UBASH3B: variants seen among roughly 807,000 people sequenced by gnomAD.
UBASH3B encodes ubiquitin-associated and SH3 domain-containing protein B.
Under a neutral mutation model 83.4 loss-of-function variants are expected in UBASH3B, and 37 were observed. That is an observed-to-expected ratio of 0.44 (90% CI 0.34 to 0.58). The LOEUF (loss-of-function observed/expected upper bound fraction) is 0.58. Among genes scored for constraint, UBASH3B ranks in the 20% least tolerant of loss-of-function variants. The pLI is 0.01. For synonymous variants in UBASH3B, 304 were observed against 318.3 expected (o/e 0.96, Z 0.48); for missense variants, 657 against 827.2 (o/e 0.79, Z 2.52).
At chr11:122,693,157 C>T (rs189613250) in intron 1 of UBASH3B, among the ~76,000 whole-genome samples, 9 of 152,190 alleles carry the variant, frequency 5.9e-5, no homozygotes, top group East Asian at 1.9e-4. Context: ...CTACAAAGAA[C>T]CTTCTTAAGG....
chr11:122,769,907 G>A (rs1591805664), intron 1 of UBASH3B, among the ~76,000 whole-genome samples: 1 of 152,170 alleles, frequency 6.6e-6, no homozygotes, highest in African/African-American at 2.4e-5. Flanking sequence ...AAACTGTTAG[G>A]TGTGGAAAAT....
At chr11:122,688,449 T>TC (rs1863836278) in intron 1 of UBASH3B, among the ~76,000 whole-genome samples, 1 of 59,956 alleles carries the variant, frequency 1.7e-5, no homozygotes, top group African/African-American at 7.0e-5. Flanking sequence ...TTGTGGTTTG[T>TC]TTGTTTTTTT....
chr11:122,772,965 G>C (rs1156936262), intron 1 of UBASH3B, among the ~76,000 whole-genome samples: 1 of 152,232 alleles, frequency 6.6e-6, no homozygotes, highest in Admixed American at 6.5e-5. Flanking sequence ...CATTTCACCA[G>C]TTCTAAACAA....
chr11:122,781,097 G>A (rs1041933962), intron 4 of UBASH3B, among the ~76,000 whole-genome samples: 10 of 152,062 alleles, frequency 6.6e-5, no homozygotes, highest in African/African-American at 1.2e-4. Context: ...GGATCACAGT[G>A]CTCTCGGAAG....
chr11:122,781,546 T>C (rs889187715), intron 4 of UBASH3B, among the ~76,000 whole-genome samples: 1 of 152,228 alleles, frequency 6.6e-6, no homozygotes, highest in African/African-American at 2.4e-5. Context: ...TCCAAGATCC[T>C]GCTGTCATGA....
chr11:122,772,275 T>G (rs1208986984), intron 1 of UBASH3B, among the ~76,000 whole-genome samples: 1 of 152,176 alleles, frequency 6.6e-6, no homozygotes, highest in Admixed American at 6.5e-5. Flanking sequence ...CATATTGCAT[T>G]GTAAGAAGCT....
intron 1 of UBASH3B, chr11:122,727,433 T>A (rs1433231931): frequency 2.6e-5 from 4 of 152,154 alleles, no homozygotes; most frequent in Admixed American, 2.0e-4. Context: ...AAGTTGTCTA[T>A]CAATTGAGGG....
In UBASH3B at chr11:122,777,216, C is replaced by T. The variant is rs370781791; in HGVS notation, c.402+6C>T. On this transcript the variant is annotated splice_donor_region_variant and intron_variant, in intron 3 of 13. Transcript: ENST00000284273. ...CACTCTGCCAGTTCTTTATGGTGAG[C>T]GGCAGCGCCCCCACCCCTGGGAAGC... The T allele has an allele frequency of 1.7e-4, 280 of 1,604,818 alleles. 2 individuals carry two copies. In the Middle Eastern group the frequency reaches 2.2e-3, roughly 12 times the overall value.
At chr11:122,702,207 A>G (rs763186076) in intron 1 of UBASH3B, among the ~76,000 whole-genome samples, 5 of 152,182 alleles carry the variant, frequency 3.3e-5, no homozygotes, top group African/African-American at 7.2e-5. Context: ...GTTCCTAGGA[A>G]AACCGAATTA....
At chr11:122,705,464 A>G (rs961542756) in intron 1 of UBASH3B, among the ~76,000 whole-genome samples, 35 of 151,938 alleles carry the variant, frequency 2.3e-4, no homozygotes, top group African/African-American at 6.8e-4. Context: ...TAAAAAAAAA[A>G]AAAAAAAGAA....
At chr11:122,681,993 GCTGTCAGAACAAGATGGGCCCATCTC>G (rs1359256324) in intron 1 of UBASH3B, among the ~76,000 whole-genome samples, 1 of 152,110 alleles carries the variant, frequency 6.6e-6, no homozygotes, top group Non-Finnish European at 1.5e-5. Context: ...GGGTGGCCCA[GCTGTCAGAACAAGATGGGCCCATCTC>G]CTGTCTGTTC....
At chr11:122,745,380 A>G (rs11825423) in intron 1 of UBASH3B, among the ~76,000 whole-genome samples, 5,491 of 152,256 alleles carry the variant, frequency 0.036, 316 homozygotes, top group African/African-American at 0.12. Flanking sequence ...TGGGGTGCTT[A>G]CCATGTGGCA....
rs1861206801 is a variant in UBASH3B, at chr11:122,799,170, A to G, written c.1450+136A>G. On this transcript the variant is annotated intron_variant, in intron 10 of 13. Coordinates refer to ENST00000284273, the MANE Select transcript of UBASH3B (RefSeq NM_032873.5). ...TCTGGAATGAAGCAAGGATTCTTTCAGAAGGCGATCTTTGCACAAGTCACA... is the reference window on the plus strand; with the variant it reads ...TCTGGAATGAAGCAAGGATTCTTTCGGAAGGCGATCTTTGCACAAGTCACA... 5.0e-5 allele frequency: 38 copies of G among 761,812 alleles called. No homozygotes were observed. The South Asian group carries it at 6.3e-4, about 13-fold the overall frequency. The allele number at this position is 761,812 out of a possible 1,614,324, so 47.2% of individuals were successfully genotyped here. A position where few individuals can be genotyped will look rare whatever the true frequency, so the allele number is the denominator to read the frequency against.
chr11:122,659,665 T>C (rs765492963), intron 1 of UBASH3B, among the ~76,000 whole-genome samples: 2 of 152,144 alleles, frequency 1.3e-5, no homozygotes, highest in Admixed American at 6.5e-5. Flanking sequence ...ATAATGAAAA[T>C]CCAAAGCCCC....
intron 1 of UBASH3B, among the ~76,000 whole-genome samples, chr11:122,770,292 G>A (rs1224710350): frequency 3.3e-5 from 5 of 152,110 alleles, no homozygotes; most frequent in East Asian, 1.9e-4. Flanking sequence ...TTTTCATTCC[G>A]TTATCCTACA....
At chr11:122,778,513 C>G (rs1410242029) in intron 3 of UBASH3B, among the ~76,000 whole-genome samples, 1 of 149,576 alleles carries the variant, frequency 6.7e-6, no homozygotes, top group African/African-American at 2.5e-5. Context: ...AAACACGCAG[C>G]TTCTCCTGGG....
chr11:122,802,881 T>C (rs1484072562), intron 11 of UBASH3B, among the ~76,000 whole-genome samples: 1 of 152,180 alleles, frequency 6.6e-6, no homozygotes, highest in African/African-American at 2.4e-5. Context: ...CCAACATTGG[T>C]TAAGTGACTT....
chr11:122,806,631 C>A lies in UBASH3B; in HGVS notation c.1702+115C>A. 7.5e-7 allele frequency: 1 copy of A among 1,325,090 alleles called. No individual in the cohort carries two copies. The allele number at this position is 1,325,090 out of a possible 1,614,324, so 82.1% of individuals were successfully genotyped here. ...TTGGCTAACCAAAGAAATGTATTTC[C>A]AGATTTTCTTCCAGATACTTTTACA... On this transcript the variant is annotated intron_variant, in intron 12 of 13. Transcript: ENST00000284273. This position sits in a 1 kb window ranked among gnomAD's most constrained non-coding sequence, Gnocchi z 4.0.
chr11:122,725,158 C>T (rs112295376), intron 1 of UBASH3B, among the ~76,000 whole-genome samples: 15,351 of 149,926 alleles, frequency 0.1, 857 homozygotes, highest in Non-Finnish European at 0.13. Context: ...TTACTAGAGA[C>T]AGGGTTTCAC....
Sources: gnomAD v4.1 joint callset for allele counts (sites outside exome capture counted in the v4.1 genomes callset) on GRCh38, gnomAD v4.1.1 for gene constraint, Gnocchi (gnomAD v3.1) non-coding constraint, MANE v1.5 for transcripts, NCBI Gene and HGNC (gene_info 2026-07-23, HGNC 2026-07-21) for gene names.